Variants in CCDC192 observed in about 807,000 individuals in gnomAD.
CCDC192 encodes coiled-coil domain-containing protein 192.
At chr5:127,726,066 G>T (rs1752304661) in intron 2 of CCDC192, among the ~76,000 whole-genome samples, 1 of 151,630 alleles carries the variant, frequency 6.6e-6, no homozygotes, top group African/African-American at 2.4e-5. Context: ...TGTTTAAAAT[G>T]TTAGAAAAAG....
chr5:127,801,035 G>A, intron 5 of CCDC192, among the ~76,000 whole-genome samples: 1 of 152,122 alleles, frequency 6.6e-6, no homozygotes, highest in East Asian at 1.9e-4. Context: ...GCCCTATTGA[G>A]AGAAGAGAGA....
chr5:127,821,749 C>T (rs947635824), intron 5 of CCDC192, among the ~76,000 whole-genome samples: 5 of 152,144 alleles, frequency 3.3e-5, no homozygotes, highest in Non-Finnish European at 7.3e-5. Context: ...TGTTTGAAGA[C>T]CCTTTCCTAG....
chr5:127,759,150 G>A (rs573018343), intron 3 of CCDC192, among the ~76,000 whole-genome samples: 3 of 152,298 alleles, frequency 2.0e-5, no homozygotes, highest in Admixed American at 6.5e-5. Flanking sequence ...CCCAGCTACA[G>A]TTGTCTTATC....
intron 3 of CCDC192, among the ~76,000 whole-genome samples, chr5:127,787,671 T>G (rs1756626626): frequency 6.6e-6 from 1 of 152,216 alleles, no homozygotes; most frequent in African/African-American, 2.4e-5. Context: ...TGGAGAATGC[T>G]TCATGTGCAC....
At chr5:127,764,369 A>G (rs1755098295) in intron 3 of CCDC192, among the ~76,000 whole-genome samples, 1 of 152,226 alleles carries the variant, frequency 6.6e-6, no homozygotes. Context: ...GGATTTGGTG[A>G]TTAATTAAAT....
At chr5:127,890,101 T>A (rs1752691227) in intron 6 of CCDC192, among the ~76,000 whole-genome samples, 1 of 152,108 alleles carries the variant, frequency 6.6e-6, no homozygotes, top group African/African-American at 2.4e-5. Flanking sequence ...TGTCCATGTA[T>A]GGTGGCTCAC....
At chr5:127,761,441 G>A (rs1174127187) in intron 3 of CCDC192, among the ~76,000 whole-genome samples, 1 of 152,182 alleles carries the variant, frequency 6.6e-6, no homozygotes, top group African/African-American at 2.4e-5. Flanking sequence ...GTGGGACTAC[G>A]CTTAAACTTA....
At chr5:127,741,428 G>A (rs1324231525) in intron 2 of CCDC192, among the ~76,000 whole-genome samples, 1 of 152,158 alleles carries the variant, frequency 6.6e-6, no homozygotes, top group East Asian at 1.9e-4. Flanking sequence ...AACAAGGATT[G>A]CTTAATGTGG....
chr5:127,866,444 CA>C (rs1751617896), intron 5 of CCDC192, among the ~76,000 whole-genome samples: 2 of 148,268 alleles, frequency 1.3e-5, no homozygotes, highest in African/African-American at 5.0e-5. Flanking sequence ...CTTGCCTCTA[CA>C]AAACCATTTT....
chr5:127,801,754 A>G (rs1757518554), intron 5 of CCDC192, among the ~76,000 whole-genome samples: 1 of 152,204 alleles, frequency 6.6e-6, no homozygotes, highest in African/African-American at 2.4e-5. Flanking sequence ...AACATTGTAG[A>G]CAAATTAAAT....
At chr5:127,894,997 A>C (rs1252704517) in intron 6 of CCDC192, among the ~76,000 whole-genome samples, 4 of 152,068 alleles carry the variant, frequency 2.6e-5, no homozygotes, top group African/African-American at 9.7e-5. Context: ...TTTTCCCTGC[A>C]ACTTTTATTT....
intron 2 of CCDC192, among the ~76,000 whole-genome samples, chr5:127,721,254 C>T (rs533161857): frequency 2.0e-5 from 3 of 152,300 alleles, no homozygotes; most frequent in East Asian, 1.9e-4. Context: ...AACCAGCCAG[C>T]GCATATCTTG....
At chr5:127,799,141 C>T (rs1418103400) in intron 5 of CCDC192, among the ~76,000 whole-genome samples, 2 of 152,172 alleles carry the variant, frequency 1.3e-5, no homozygotes, top group Non-Finnish European at 2.9e-5. Flanking sequence ...TTAACTACAC[C>T]AGGCCCCTCA....
chr5:127,913,794 G>A (rs1395488262), intron 6 of CCDC192, among the ~76,000 whole-genome samples: 2 of 152,178 alleles, frequency 1.3e-5, no homozygotes, highest in Non-Finnish European at 2.9e-5. Context: ...CTTCCAACCA[G>A]TAGTTCATGC....
chr5:127,885,174 A>T (rs1359487312), intron 6 of CCDC192, among the ~76,000 whole-genome samples: 1 of 152,198 alleles, frequency 6.6e-6, no homozygotes, highest in East Asian at 1.9e-4. Context: ...AAGGGCAAGC[A>T]CCAGCTAAAT....
chr5:127,916,721 T>C (rs911565496), intron 6 of CCDC192, among the ~76,000 whole-genome samples: 2 of 152,228 alleles, frequency 1.3e-5, no homozygotes, highest in African/African-American at 4.8e-5. Flanking sequence ...AGTAGTAAGT[T>C]TGAAATATTC....
At position 127,837,015 on chromosome 5, in the gene CCDC192, A is replaced by G. The variant is rs1377275408; in HGVS notation, c.412-38523A>G. ...TGCTGCAAATATTCTAAACCTTTAT[A>G]CTCTGCTTTCCTTTTAAACATAAGT... On this transcript the variant is annotated intron_variant, in intron 5 of 6. Coordinates refer to ENST00000514853, the MANE Select transcript of CCDC192 (RefSeq NM_001317938.2). Among the ~76,000 whole-genome samples, 6 of 81,188 alleles carry G rather than the reference A, an allele frequency of 7.4e-5. 3 individuals are homozygous for G. The highest frequency in any genetic ancestry group is 2.5e-4 in the African/African-American group (6 of 24,446). 53.3% of individuals were successfully genotyped at this position (81,188 alleles called of 152,430 possible).
At chr5:127,925,089 T>C (rs1026929428) in intron 6 of CCDC192, among the ~76,000 whole-genome samples, 1 of 130,748 alleles carries the variant, frequency 7.6e-6, no homozygotes, top group Non-Finnish European at 1.5e-5. Flanking sequence ...ATCTGTCCTC[T>C]TGACAATTTT....
chr5:127,802,182 A>G (rs377569352), intron 5 of CCDC192, among the ~76,000 whole-genome samples: 2 of 152,184 alleles, frequency 1.3e-5, no homozygotes, highest in African/African-American at 4.8e-5. Flanking sequence ...GACTCTAGGG[A>G]CATTGAAGGC....
Sources: allele counts gnomAD v4.1 joint callset (sites outside exome capture counted in the v4.1 genomes callset), GRCh38; gene constraint gnomAD v4.1.1; transcripts MANE v1.5; gene names NCBI Gene and HGNC (gene_info 2026-07-23, HGNC 2026-07-21).